The following AHR variants were observed in gnomAD, a reference collection of about 807,000 sequenced individuals.
AHR encodes the protein AH-receptor.
A neutral mutation model predicts 86.8 loss-of-function variants in AHR; 40 were observed. The ratio of observed to expected loss-of-function variants is 0.46; its 90% CI spans 0.36 to 0.60. AHR has a LOEUF of 0.60. Ranked by LOEUF, AHR falls within the 20% of genes least tolerant of loss-of-function variation. AHR has a pLI of 0.00. For missense variants in AHR, 1,001 were observed against 1,011.6 expected (o/e 0.99, Z 0.14); for synonymous variants, 398 against 354.9 (o/e 1.12, Z -1.37).
Position 17,299,053 on chromosome 7 carries a change from A to G in AHR, c.-212A>G, listed in dbSNP as rs2115346771. 1 of 510,062 alleles carries G rather than the reference A, an allele frequency of 2.0e-6. No homozygotes were observed. The highest frequency in any genetic ancestry group is 3.3e-6 in the Non-Finnish European group (1 of 299,856). 31.6% of individuals were successfully genotyped at this position (510,062 alleles called of 1,614,324 possible). On this transcript the variant is annotated 5_prime_UTR_variant, in exon 1 of 11. Coordinates refer to ENST00000242057, the MANE Select transcript of AHR (RefSeq NM_001621.5). ...CACCCTCACTGCGCCAGGCCCAGGC[A>G]GCTCACCTGTACTGGCGCGGGCTGC...
At position 17,299,194 on chromosome 7, in the gene AHR, C is replaced by CA; in HGVS notation, c.-70dup. On this transcript the variant is annotated 5_prime_UTR_variant, in exon 1 of 11. Transcript: ENST00000242057. ...CCGGCGCCGGCCGCCGCAGTGGTCC[C>CA]AGCCTACACCGGGTTCCGGGGACCC... 3 of 1,544,922 alleles carry CA rather than the reference C, an allele frequency of 1.9e-6. No homozygotes were observed. Among genetic ancestry groups the CA allele is most frequent in the East Asian group, 4.9e-5 (2 of 40,586 alleles).
chr7:17,317,657 A>G (rs557724837), intron 2 of AHR, among the ~76,000 whole-genome samples: 1 of 152,224 alleles, frequency 6.6e-6, no homozygotes, highest in South Asian at 2.1e-4. Context: ...GGAACTTGTT[A>G]CCTATGCAAA....
In AHR at chr7:17,339,951, C is replaced by G; in HGVS notation, c.2126C>G (p.Pro709Arg). Residue 709 changes from proline to arginine, a missense_variant, in exon 10 of 11, where the codon CCA becomes CGA. Physicochemically the swap from Pro to Arg is moderately radical, Grantham distance 103. Around this residue, in one of 2 missense-constraint regions of AHR, gnomAD observed 607 missense variants for 543.1 expected, o/e 1.12. Transcript: ENST00000242057. ...ATTTCCTGTAATCAGCCTGTATTAC[C>G]ACAACATTCCAAATGTACAGAGCTG... ...NFISCNQPVLPQHSKCTELDY... is the reference protein window; with the variant it reads ...NFISCNQPVLRQHSKCTELDY... 6.2e-7 allele frequency: 1 copy of G among 1,614,108 alleles called. No individual in the cohort carries two copies. The highest frequency in any genetic ancestry group is 8.5e-7 in the Non-Finnish European group (1 of 1,179,984).
chr7:17,299,514 A>G (rs1018488797), intron 1 of AHR, among the ~76,000 whole-genome samples, 185 bp downstream of exon 1: 1 of 152,220 alleles, frequency 6.6e-6, no homozygotes, highest in Non-Finnish European at 1.5e-5. Flanking sequence ...CCCGTTTTCA[A>G]TGATTGCATT....
chr7:17,343,402 AATT>A lies in AHR; in HGVS notation c.*342_*344del, dbSNP rs1296956741. 9.0e-6 allele frequency: 2 copies of A among 221,238 alleles called. No individual in the cohort carries two copies. Among genetic ancestry groups the A allele is most frequent in the Non-Finnish European group, 1.7e-5 (2 of 114,568 alleles). The allele number at this position is 221,238 out of a possible 1,614,324, so 13.7% of individuals were successfully genotyped here. A position where few individuals can be genotyped will look rare whatever the true frequency, so the allele number is the denominator to read the frequency against. ...TAAATTAGAAAATATTCTCTATTTG[AATT>A]ATTTCTGTCACAGTAAAAATAAAAT... On this transcript the variant is annotated 3_prime_UTR_variant, in exon 11 of 11. Transcript: ENST00000242057.
At chr7:17,308,775 T>C (rs1782032107) in intron 1 of AHR, among the ~76,000 whole-genome samples, 1 of 152,124 alleles carries the variant, frequency 6.6e-6, no homozygotes, top group Non-Finnish European at 1.5e-5. Flanking sequence ...GTATTTACTT[T>C]TCATCTTCTT....
chr7:17,338,097 G>A (rs1009260270), intron 9 of AHR, among the ~76,000 whole-genome samples: 1 of 150,824 alleles, frequency 6.6e-6, no homozygotes, highest in African/African-American at 2.4e-5. Context: ...TACTCGGGAG[G>A]CTGAGGCAGG....
chr7:17,320,943 A>G (rs911081266), intron 2 of AHR, among the ~76,000 whole-genome samples: 2 of 152,160 alleles, frequency 1.3e-5, no homozygotes, highest in Non-Finnish European at 2.9e-5. Flanking sequence ...TTCTGGTGTG[A>G]CACATTCACT....
At chr7:17,307,401 T>C (rs891113334) in intron 1 of AHR, among the ~76,000 whole-genome samples, 1 of 152,146 alleles carries the variant, frequency 6.6e-6, no homozygotes, top group African/African-American at 2.4e-5. Context: ...GAGTTGCTAA[T>C]CCATTGTGAG....
chr7:17,310,697 G>A (rs923252863), intron 2 of AHR, among the ~76,000 whole-genome samples: 12 of 151,970 alleles, frequency 7.9e-5, no homozygotes, highest in African/African-American at 2.9e-4. Flanking sequence ...ACCACGCCCA[G>A]CTAATTTTTT....
chr7:17,331,333 A>G (rs1782286644), intron 6 of AHR, among the ~76,000 whole-genome samples: 1 of 151,946 alleles, frequency 6.6e-6, no homozygotes, highest in African/African-American at 2.4e-5. Context: ...TTCTTTGGTT[A>G]TCTTTGATTT....
At chr7:17,337,907 G>A (rs906274860) in intron 9 of AHR, among the ~76,000 whole-genome samples, 2 of 151,546 alleles carry the variant, frequency 1.3e-5, no homozygotes, top group African/African-American at 4.8e-5. Flanking sequence ...AATTTTATAA[G>A]TATATTAAAT....
chr7:17,332,567 AAAAAATT>A (rs1782307724), intron 6 of AHR, among the ~76,000 whole-genome samples: 1 of 151,940 alleles, frequency 6.6e-6, no homozygotes, highest in African/African-American at 2.4e-5. Flanking sequence ...TTAAAAAGTA[AAAAAATT>A]AAAAATTAAA....
rs916468680 is a variant in AHR at position 17,343,929 on chromosome 7, T to C, written c.*865T>C. On this transcript the variant is annotated 3_prime_UTR_variant, in exon 11 of 11. Transcript: ENST00000242057. Reference sequence around the variant, plus strand: ...AATTATTTCTTAATTATTATAAAAATATTAAGACAATAGCACTTAAATTCC... The same window carrying C: ...AATTATTTCTTAATTATTATAAAAACATTAAGACAATAGCACTTAAATTCC... The C allele has an allele frequency of 6.6e-6, 1 of 152,604 alleles. No homozygotes were observed. The highest frequency in any genetic ancestry group is 2.4e-5 in the African/African-American group (1 of 41,452). 9.5% of individuals were successfully genotyped at this position (152,604 alleles called of 1,614,324 possible).
intron 2 of AHR, among the ~76,000 whole-genome samples, chr7:17,314,319 T>A (rs1186732967): frequency 1.3e-5 from 2 of 152,132 alleles, no homozygotes; most frequent in Non-Finnish European, 2.9e-5. Context: ...CACCATTTTA[T>A]AAAATGTAGA....
rs571862028 is a variant in AHR, at chr7:17,322,798, A to T, written c.360+191A>T. On this transcript the variant is annotated intron_variant, in intron 3 of 10. Coordinates refer to ENST00000242057, the MANE Select transcript of AHR (RefSeq NM_001621.5). ...AATTATAGTCATGCACCATATAATG[A>T]TGTTTCAGTTAACAACAGACCACAT... is the stretch of plus-strand genomic sequence containing the variant. 4.7e-4 allele frequency among the ~76,000 whole-genome samples: 71 copies of T among 152,198 alleles called. No individual in the cohort carries two copies. In the South Asian group the frequency reaches 0.013, roughly 29 times the overall value.
chr7:17,317,404 A>G (rs1782127475), intron 2 of AHR, among the ~76,000 whole-genome samples: 2 of 151,960 alleles, frequency 1.3e-5, no homozygotes, highest in Non-Finnish European at 2.9e-5. Context: ...CTTTATTGGG[A>G]TACATGTCAA....
intron 4 of AHR, among the ~76,000 whole-genome samples, chr7:17,329,216 C>CT (rs1224880695): frequency 6.6e-6 from 1 of 151,862 alleles, no homozygotes; most frequent in African/African-American, 2.4e-5. Context: ...CACTATCAAA[C>CT]TGTTTTTTAG....
chr7:17,321,543 C>G (rs1782172326), intron 2 of AHR, among the ~76,000 whole-genome samples: 2 of 151,124 alleles, frequency 1.3e-5, no homozygotes, highest in Non-Finnish European at 3.0e-5. Context: ...GTTATTATTT[C>G]TATTCAGCTG....
Sources: gnomAD v4.1 joint callset for allele counts (sites outside exome capture counted in the v4.1 genomes callset) on GRCh38, gnomAD v4.1.1 for gene constraint, gnomAD v4.1.1 regional missense constraint, MANE v1.5 for transcripts, NCBI Gene and HGNC (gene_info 2026-07-23, HGNC 2026-07-21) for gene names.